The following DYM variants were observed in gnomAD, a reference collection of about 807,000 sequenced individuals.
The protein encoded by DYM is dymeclin, also known as dyggve-Melchior-Clausen syndrome protein.
A neutral mutation model predicts 93.1 loss-of-function variants in DYM; 78 were observed. That is an observed-to-expected ratio of 0.84 (90% CI 0.70 to 1.01). The LOEUF (loss-of-function observed/expected upper bound fraction) is 1.01, where lower values mean the gene tolerates loss of function less well. DYM is among the 50% of genes least tolerant of loss of function. The pLI is 0.00. For missense variants in DYM, 789 were observed against 845.0 expected, an observed-to-expected ratio of 0.93 and a Z score of 0.82; for synonymous variants, 321 against 319.7, an observed-to-expected ratio of 1.00 and a Z score of -0.04.
chr18:49,253,459 T>C (rs2145036769), intron 13 of DYM, among the ~76,000 whole-genome samples: 1 of 152,310 alleles, frequency 6.6e-6, no homozygotes, highest in East Asian at 1.9e-4. Context: ...GACAAATATT[T>C]TCTCAGGAAA....
intron 8 of DYM, among the ~76,000 whole-genome samples, chr18:49,318,700 T>C (rs2062203745): frequency 2.0e-5 from 3 of 152,196 alleles, no homozygotes; most frequent in South Asian, 4.1e-4. Context: ...TAAGAAATTA[T>C]CTTGAAAAGT....
chr18:49,077,196 A>G (rs985926147), intron 17 of DYM, among the ~76,000 whole-genome samples: 1 of 152,202 alleles, frequency 6.6e-6, no homozygotes, highest in African/African-American at 2.4e-5. Context: ...TTTGTATACA[A>G]TTGTGTGACC....
At chr18:49,259,840 G>A (rs2094462351) in intron 11 of DYM, among the ~76,000 whole-genome samples, 1 of 152,266 alleles carries the variant, frequency 6.6e-6, no homozygotes, top group Non-Finnish European at 1.5e-5. Flanking sequence ...GAAGATCCAT[G>A]CTACTATTTT....
At chr18:49,446,643 G>A (rs1319061774) in intron 1 of DYM, among the ~76,000 whole-genome samples, 2 of 152,190 alleles carry the variant, frequency 1.3e-5, no homozygotes, top group Non-Finnish European at 2.9e-5. Flanking sequence ...AGTATGCAAA[G>A]TGCCAAGGTT....
intron 17 of DYM, among the ~76,000 whole-genome samples, chr18:49,070,251 C>T (rs898964930): frequency 5.9e-5 from 9 of 152,214 alleles, no homozygotes; most frequent in Non-Finnish European, 1.0e-4. Flanking sequence ...TTACTGAGAG[C>T]TTGCTTTGTG....
At chr18:49,356,004 TG>T (rs563878148) in intron 6 of DYM, among the ~76,000 whole-genome samples, 115 of 152,304 alleles carry the variant, frequency 7.6e-4, no homozygotes, top group Admixed American at 2.0e-3. Flanking sequence ...AATGTGATTT[TG>T]TCTCCAAACC....
intron 5 of DYM, chr18:49,368,689 G>C (rs776563359): frequency 6.6e-6 from 1 of 152,130 alleles, no homozygotes; most frequent in Non-Finnish European, 1.5e-5. Flanking sequence ...CGTGGCAGCC[G>C]AAGCACCTGA....
rs2092312006 is a variant in DYM at position 49,203,873 on chromosome 18, A to AGT, written c.1625+5677_1625+5678insAC. ...ATAAAAAAATAAATTTAAAAAAGTA[A>AGT]AAAAAAAAAAAAAAAAAAAAAAAAA... On this transcript the variant is annotated intron_variant, in intron 14 of 17. Coordinates refer to ENST00000675505, the MANE Select transcript of DYM (RefSeq NM_001353214.3). Among the ~76,000 whole-genome samples the AGT allele has an allele frequency of 7.1e-5, 3 of 42,118 alleles. No individual in the cohort carries two copies. The South Asian group carries it at 2.2e-3, about 32-fold the overall frequency. 27.6% of individuals were successfully genotyped at this position (42,118 alleles called of 152,430 possible). A position where few individuals can be genotyped will look rare whatever the true frequency, so the allele number is the denominator to read the frequency against.
intron 15 of DYM, among the ~76,000 whole-genome samples, chr18:49,144,722 C>T (rs896411137): frequency 6.6e-6 from 1 of 152,086 alleles, no homozygotes; most frequent in Admixed American, 6.6e-5. Context: ...GCAGGTACTT[C>T]CTATTCAAAT....
rs1014744116 is a variant in DYM at position 49,037,028 on chromosome 18, C to T, written c.*7027G>A. ...GCAATTCTCTTGCCTCAGCCTCCTG[C>T]GTAGCTGGGACTACAGATGCCCACC... On this transcript the variant is annotated 3_prime_UTR_variant, in exon 18 of 18. Coordinates refer to ENST00000675505, the MANE Select transcript of DYM (RefSeq NM_001353214.3). 1.1e-4 allele frequency among the ~76,000 whole-genome samples: 16 copies of T among 151,826 alleles called. No individual in the cohort carries two copies. The highest frequency in any genetic ancestry group is 3.6e-4 in the African/African-American group (15 of 41,298).
chr18:49,348,374 T>A (rs1346967845), intron 6 of DYM, among the ~76,000 whole-genome samples: 1 of 152,150 alleles, frequency 6.6e-6, no homozygotes, highest in Non-Finnish European at 1.5e-5. Flanking sequence ...AGTATGTTAG[T>A]ATAATGGCCA....
chr18:49,075,927 A>G (rs1381996520), intron 17 of DYM, among the ~76,000 whole-genome samples: 3 of 152,218 alleles, frequency 2.0e-5, no homozygotes, highest in Non-Finnish European at 4.4e-5. Context: ...TAAACCCCAT[A>G]CACTTAAAAG....
intron 13 of DYM, among the ~76,000 whole-genome samples, chr18:49,221,080 C>T (rs2093331920): frequency 6.6e-6 from 1 of 152,144 alleles, no homozygotes; most frequent in East Asian, 1.9e-4. Flanking sequence ...ACAACCCCAT[C>T]AAAAAGTGGG....
intron 11 of DYM, among the ~76,000 whole-genome samples, chr18:49,264,842 T>C (rs373647695): frequency 4.6e-5 from 7 of 152,212 alleles, no homozygotes; most frequent in Non-Finnish European, 1.0e-4. Context: ...ACAAATAGAC[T>C]AGAGCCCAAA....
At chr18:49,302,612 G>C (rs564857924) in intron 8 of DYM, among the ~76,000 whole-genome samples, 2 of 152,234 alleles carry the variant, frequency 1.3e-5, no homozygotes, top group Admixed American at 6.5e-5. Context: ...AGGCGGAGGT[G>C]GGGGGACGAG....
At chr18:49,351,370 CTAAATAAA>C (rs1300848455) in intron 6 of DYM, among the ~76,000 whole-genome samples, 1 of 139,228 alleles carries the variant, frequency 7.2e-6, no homozygotes, top group Non-Finnish European at 1.6e-5. Flanking sequence ...GACTCTGTCT[CTAAATAAA>C]TAAACAAATA....
rs1008124336 is a variant in DYM, at chr18:49,254,248, T to C, written c.1460+2762A>G. The stretch of plus-strand genomic sequence containing the variant: ...TTAAGATATAATAATATATATTTCA[T>C]ATAACATTCTGCTGTATAAAAGATC... On this transcript the variant is annotated intron_variant, in intron 13 of 17. Transcript: ENST00000675505. Among the ~76,000 whole-genome samples, 3 of 148,998 alleles carry C rather than the reference T, an allele frequency of 2.0e-5. No homozygotes were observed. In the Admixed American group the frequency reaches 2.0e-4, roughly 10 times the overall value.
At chr18:49,246,643 T>C (rs1598881722) in intron 13 of DYM, among the ~76,000 whole-genome samples, 2 of 152,226 alleles carry the variant, frequency 1.3e-5, no homozygotes. Context: ...TGTGGAAATT[T>C]GCCTTAGATG....
At chr18:49,205,337 G>C in intron 14 of DYM, among the ~76,000 whole-genome samples, 1 of 152,132 alleles carries the variant, frequency 6.6e-6, no homozygotes. Flanking sequence ...TACAAATCTA[G>C]AGAAATGTGT....
Sources: allele counts gnomAD v4.1 joint callset (sites outside exome capture counted in the v4.1 genomes callset), GRCh38; gene constraint gnomAD v4.1.1; transcripts MANE v1.5; gene names NCBI Gene and HGNC (gene_info 2026-07-23, HGNC 2026-07-21).